The following UNC5C variants were observed in gnomAD, a reference collection of about 807,000 sequenced individuals.
The protein encoded by UNC5C is unc-5 netrin receptor C, also known as netrin receptor UNC5C.
A neutral mutation model predicts 99.8 loss-of-function variants in UNC5C; 47 were observed. The ratio of observed to expected loss-of-function variants is 0.47; its 90% CI spans 0.37 to 0.60. The LOEUF is 0.60. Among genes scored for constraint, UNC5C ranks in the 20% least tolerant of loss-of-function variants. UNC5C has a pLI of 0.00. For synonymous variants in UNC5C, 487 were observed against 452.2 expected (o/e 1.08, Z -0.98); for missense variants, 1,062 against 1,165.9 (o/e 0.91, Z 1.30).
At chr4:95,286,576 G>A (rs2149397694) in intron 3 of UNC5C, among the ~76,000 whole-genome samples, 1 of 152,266 alleles carries the variant, frequency 6.6e-6, no homozygotes, top group East Asian at 1.9e-4. Context: ...ACCAGCTGAT[G>A]GCTGACATTG....
intron 1 of UNC5C, among the ~76,000 whole-genome samples, chr4:95,340,197 A>C (rs900010780): frequency 2.0e-5 from 3 of 152,106 alleles, no homozygotes; most frequent in Non-Finnish European, 4.4e-5. Context: ...TTTTATTGCT[A>C]AATATCAAGC....
chr4:95,288,928 A>C (rs1741341091), intron 3 of UNC5C, among the ~76,000 whole-genome samples: 1 of 152,214 alleles, frequency 6.6e-6, no homozygotes, highest in Non-Finnish European at 1.5e-5. Context: ...TACAAATTCC[A>C]GAGATTAGGA....
At chr4:95,483,810 G>A (rs17383447) in intron 1 of UNC5C, among the ~76,000 whole-genome samples, 53,967 of 151,446 alleles carry the variant, frequency 0.36, 10,621 homozygotes, top group Non-Finnish European at 0.45. Context: ...TTTTTGTGAT[G>A]GCCTCAAGAA....
intron 4 of UNC5C, among the ~76,000 whole-genome samples, chr4:95,263,155 C>A (rs1740309693): frequency 6.6e-6 from 1 of 152,150 alleles, no homozygotes. Flanking sequence ...CTTACATTTT[C>A]TTAATCGGTA....
chr4:95,174,571 C>T (rs991359763), intron 14 of UNC5C, among the ~76,000 whole-genome samples: 9 of 152,050 alleles, frequency 5.9e-5, no homozygotes, highest in African/African-American at 2.2e-4. Context: ...GATTCTTAAT[C>T]CTGAGTTCTA....
intron 1 of UNC5C, among the ~76,000 whole-genome samples, chr4:95,399,540 A>T (rs535094537): frequency 2.0e-5 from 3 of 152,118 alleles, no homozygotes; most frequent in East Asian, 3.9e-4. Flanking sequence ...CTATCTCCCC[A>T]CTTTTATCTA....
intron 2 of UNC5C, among the ~76,000 whole-genome samples, chr4:95,314,373 A>C (rs1164599964): frequency 6.6e-6 from 1 of 152,164 alleles, no homozygotes; most frequent in Non-Finnish European, 1.5e-5. Context: ...GAATTTTACT[A>C]ATCCTCCAGA....
intron 2 of UNC5C, among the ~76,000 whole-genome samples, chr4:95,324,793 C>A (rs1742828565): frequency 6.6e-6 from 1 of 152,132 alleles, no homozygotes; most frequent in South Asian, 2.1e-4. Context: ...AAGGCACCAT[C>A]TAGAAGGAAG....
At chr4:95,445,067 A>T (rs1053585646) in intron 1 of UNC5C, among the ~76,000 whole-genome samples, 5 of 152,160 alleles carry the variant, frequency 3.3e-5, no homozygotes, top group African/African-American at 1.2e-4. Context: ...AATTAAAAAA[A>T]TGACAAAGCT....
intron 4 of UNC5C, among the ~76,000 whole-genome samples, chr4:95,258,467 A>G (rs1740088930): frequency 6.6e-6 from 1 of 152,194 alleles, no homozygotes; most frequent in African/African-American, 2.4e-5. Flanking sequence ...GGAGTTCAGA[A>G]AACAATAAAA....
chr4:95,542,501 A>G (rs1212622414), intron 1 of UNC5C, among the ~76,000 whole-genome samples: 1 of 152,150 alleles, frequency 6.6e-6, no homozygotes, highest in African/African-American at 2.4e-5. Flanking sequence ...TGTCATGGCA[A>G]CTTTAACACT....
intron 3 of UNC5C, among the ~76,000 whole-genome samples, chr4:95,291,847 T>C (rs1741467505): frequency 6.6e-6 from 1 of 152,178 alleles, no homozygotes; most frequent in Non-Finnish European, 1.5e-5. Context: ...CCTCTGTTAC[T>C]TATAATTGGA....
intron 7 of UNC5C, among the ~76,000 whole-genome samples, chr4:95,234,522 G>A (rs376951195): frequency 1.3e-5 from 2 of 152,082 alleles, no homozygotes; most frequent in South Asian, 4.1e-4. Context: ...TGCAATCCAT[G>A]TCATTTAGTG....
At chr4:95,451,024 C>T (rs265054) in intron 1 of UNC5C, among the ~76,000 whole-genome samples, 88,179 of 152,060 alleles carry the variant, frequency 0.58, 26,339 homozygotes, top group African/African-American at 0.72. Flanking sequence ...GGTATTCATA[C>T]TGATTCCATA....
At chr4:95,477,153 G>A (rs1748174023) in intron 1 of UNC5C, among the ~76,000 whole-genome samples, 1 of 152,042 alleles carries the variant, frequency 6.6e-6, no homozygotes, top group Non-Finnish European at 1.5e-5. Context: ...TATTGGGAAG[G>A]AGAAGATTTT....
intron 1 of UNC5C, among the ~76,000 whole-genome samples, chr4:95,442,293 C>T (rs1443695634): frequency 1.3e-5 from 2 of 151,734 alleles, no homozygotes; most frequent in Non-Finnish European, 2.9e-5. Context: ...GCCTTGAATT[C>T]CTGGGCTCAA....
chr4:95,443,190 T>C (rs970355386), intron 1 of UNC5C, among the ~76,000 whole-genome samples: 1 of 152,134 alleles, frequency 6.6e-6, no homozygotes, highest in Non-Finnish European at 1.5e-5. Flanking sequence ...TTGGATAGTC[T>C]AAACAATTAG....
At chr4:95,260,890 T>C (rs1025713962) in intron 4 of UNC5C, among the ~76,000 whole-genome samples, 3 of 152,048 alleles carry the variant, frequency 2.0e-5, no homozygotes, top group African/African-American at 7.2e-5. Flanking sequence ...CCCAGCGAGG[T>C]GCTTTGTACT....
intron 2 of UNC5C, among the ~76,000 whole-genome samples, chr4:95,310,771 T>A (rs1008274449): frequency 2.0e-5 from 3 of 152,108 alleles, no homozygotes; most frequent in African/African-American, 7.2e-5. Context: ...TGTCTAGAAC[T>A]GAGAAGAATA....
Sources: allele counts gnomAD v4.1 joint callset (sites outside exome capture counted in the v4.1 genomes callset), GRCh38; gene constraint gnomAD v4.1.1; transcripts MANE v1.5; gene names NCBI Gene and HGNC (gene_info 2026-07-23, HGNC 2026-07-21).